Variants in PLAG1 observed in about 807,000 individuals in gnomAD.
The protein encoded by PLAG1 is zinc finger protein PLAG1.
In PLAG1, 7 loss-of-function variants were observed where a neutral mutation model predicts 35.5. The ratio of observed to expected loss-of-function variants is 0.20; its 90% CI spans 0.11 to 0.37. PLAG1 has a LOEUF of 0.37. Among genes scored for constraint, PLAG1 ranks in the 10% least tolerant of loss-of-function variants. PLAG1 has a pLI of 1.00. For synonymous variants in PLAG1, 229 were observed against 225.4 expected (o/e 1.02, Z -0.14); for missense variants, 454 against 602.8 (o/e 0.75, Z 2.58).
Position 56,166,045 on chromosome 8 carries a change from C to A in PLAG1, c.*198G>T. 2.8e-6 allele frequency: 1 copy of A among 354,010 alleles called. No individual in the cohort carries two copies. Among genetic ancestry groups the A allele is most frequent in the Non-Finnish European group, 5.1e-6 (1 of 195,148 alleles). The allele number at this position is 354,010 out of a possible 1,614,324, so 21.9% of individuals were successfully genotyped here. On this transcript the variant is annotated 3_prime_UTR_variant, in exon 5 of 5. Transcript: ENST00000316981. ...TGGCAGTGAATCAGGACAAAATACC[C>A]AGGTAAACTTAACTGAACACAAATG...
At chr8:56,197,239 A>T (rs943881784) in intron 1 of PLAG1, among the ~76,000 whole-genome samples, 2 of 151,918 alleles carry the variant, frequency 1.3e-5, no homozygotes, top group African/African-American at 4.8e-5. Flanking sequence ...TCCTGCCCTC[A>T]CATCCGGGGC....
chr8:56,193,012 A>G (rs1465293936), intron 1 of PLAG1, among the ~76,000 whole-genome samples: 2 of 152,258 alleles, frequency 1.3e-5, no homozygotes, highest in South Asian at 2.1e-4. Context: ...AACAGCAGGT[A>G]TGGACCTTAC....
chr8:56,182,304 A>G (rs1377001531), intron 1 of PLAG1, among the ~76,000 whole-genome samples: 1 of 152,236 alleles, frequency 6.6e-6, no homozygotes, highest in African/African-American at 2.4e-5. Flanking sequence ...AATAGTATTA[A>G]CAAAAAGAGA....
At chr8:56,198,066 C>T (rs1455686016) in intron 1 of PLAG1, among the ~76,000 whole-genome samples, 1 of 152,234 alleles carries the variant, frequency 6.6e-6, no homozygotes, top group Non-Finnish European at 1.5e-5. Flanking sequence ...GGATGGCCCG[C>T]ATCACACAGC....
Position 56,163,366 on chromosome 8 carries a change from G to GA in PLAG1, c.*2876dup, listed in dbSNP as rs1336148066. On this transcript the variant is annotated 3_prime_UTR_variant, in exon 5 of 5. Coordinates refer to ENST00000316981, the MANE Select transcript of PLAG1 (RefSeq NM_002655.3). ...TAGAAACAAACAATCTTTTTCTAGG[G>GA]AAAAAAAAGCCAATTCTGTGTTACA... 2.3e-4 allele frequency: 44 copies of GA among 194,058 alleles called. No homozygotes were observed. The highest frequency in any genetic ancestry group is 7.5e-4 in the African/African-American group (32 of 42,774). The allele number at this position is 194,058 out of a possible 1,614,324, so 12.0% of individuals were successfully genotyped here.
chr8:56,204,819 G>A (rs1268614897), intron 1 of PLAG1, among the ~76,000 whole-genome samples: 1 of 151,780 alleles, frequency 6.6e-6, no homozygotes, highest in Non-Finnish European at 1.5e-5. Flanking sequence ...CAAAAAAGAA[G>A]AGTTCAAGAC....
In PLAG1 at chr8:56,166,325, G is replaced by C; in HGVS notation, c.1421C>G (p.Ser474Cys). 3 of 1,613,708 alleles carry C rather than the reference G, an allele frequency of 1.9e-6. No individual in the cohort carries two copies. Among genetic ancestry groups the C allele is most frequent in the Non-Finnish European group, 2.5e-6 (3 of 1,179,714 alleles). ...GAAAGCTGCTGACAGTGAGTGCAGA[G>C]ACCCAAGCCCTATAGTGTTTGCAGG... ...QDPANTIGLG[S>C]LHSLSAAFTS... The change falls in exon 5 of 5, where the codon TCT becomes TGT. Residue 474 changes from serine to cysteine, a missense_variant. Around this residue, in one of 4 missense-constraint regions of PLAG1, gnomAD observed 271 missense variants for 315.6 expected, o/e 0.86. Coordinates refer to ENST00000316981, the MANE Select transcript of PLAG1 (RefSeq NM_002655.3).
chr8:56,183,925 A>T (rs566771804), intron 1 of PLAG1, among the ~76,000 whole-genome samples: 2 of 152,304 alleles, frequency 1.3e-5, no homozygotes, highest in East Asian at 3.9e-4. Flanking sequence ...TTAGTCAAAA[A>T]GTCCTTGGTC....
intron 1 of PLAG1, among the ~76,000 whole-genome samples, chr8:56,185,709 T>C (rs1811999318): frequency 6.6e-6 from 1 of 152,198 alleles, no homozygotes; most frequent in Non-Finnish European, 1.5e-5. Flanking sequence ...TGTTGCTTTA[T>C]GGGCTGGCAT....
chr8:56,175,375 C>G (rs896784152), intron 2 of PLAG1, among the ~76,000 whole-genome samples: 1 of 152,092 alleles, frequency 6.6e-6, no homozygotes, highest in Non-Finnish European at 1.5e-5. Flanking sequence ...GCTGCTGGTC[C>G]CTACAGAGGG....
Position 56,162,938 on chromosome 8 carries a change from G to A in PLAG1, c.*3305C>T, listed in dbSNP as rs1811247614. 1 of 215,412 alleles carries A rather than the reference G, an allele frequency of 4.6e-6. No homozygotes were observed. The highest frequency in any genetic ancestry group is 2.3e-5 in the African/African-American group (1 of 44,322). 13.3% of individuals were successfully genotyped at this position (215,412 alleles called of 1,614,324 possible). A position where few individuals can be genotyped will look rare whatever the true frequency, so the allele number is the denominator to read the frequency against. On this transcript the variant is annotated 3_prime_UTR_variant, in exon 5 of 5. Transcript: ENST00000316981. ...AAATGAAATAAAAAAGTTGCACACA[G>A]AGTGATGCATAATCAGCCAGGACAA...
In PLAG1 at chr8:56,167,817, A is replaced by T. The variant is rs1811405545; in HGVS notation, c.242+211T>A. 6.6e-6 allele frequency among the ~76,000 whole-genome samples: 1 copy of T among 152,238 alleles called. No individual in the cohort carries two copies. The highest frequency in any genetic ancestry group is 2.4e-5 in the African/African-American group (1 of 41,474). On this transcript the variant is annotated intron_variant, in intron 4 of 4. Coordinates refer to ENST00000316981, the MANE Select transcript of PLAG1 (RefSeq NM_002655.3). The surrounding 1 kb of genome is among the most constrained non-coding windows in gnomAD (Gnocchi z 5.9). ...CTTTCTACAAATGGAAATTCTACTC[A>T]TTAAGCATTTTATTTTAAAAAGTCC... is the stretch of plus-strand genomic sequence containing the variant.
In PLAG1 at chr8:56,167,935, G is replaced by GA; in HGVS notation, c.242+92dup. ...AACATTTCCTCTTTGCAAATTAGCT[G>GA]AAAAATGTGTATACAAATACATACG... On this transcript the variant is annotated intron_variant, in intron 4 of 4. Transcript: ENST00000316981. The surrounding 1 kb of genome is among the most constrained non-coding windows in gnomAD (Gnocchi z 5.9). 1 of 708,228 alleles carries GA rather than the reference G, an allele frequency of 1.4e-6. No homozygotes were observed. 43.9% of individuals were successfully genotyped at this position (708,228 alleles called of 1,614,324 possible). A position where few individuals can be genotyped will look rare whatever the true frequency, so the allele number is the denominator to read the frequency against.
chr8:56,190,332 C>G (rs1237327485), intron 1 of PLAG1, among the ~76,000 whole-genome samples: 3 of 152,112 alleles, frequency 2.0e-5, no homozygotes, highest in Non-Finnish European at 4.4e-5. Context: ...GGGAAGCCAG[C>G]AACAGGTCGA....
chr8:56,172,657 G>T (rs1450018234), intron 2 of PLAG1, among the ~76,000 whole-genome samples: 1 of 152,130 alleles, frequency 6.6e-6, no homozygotes, highest in Non-Finnish European at 1.5e-5. Flanking sequence ...AAGGTGAGAG[G>T]CCCACAGAAG....
chr8:56,205,277 C>T (rs541618559), intron 1 of PLAG1, among the ~76,000 whole-genome samples: 1 of 151,638 alleles, frequency 6.6e-6, no homozygotes, highest in Admixed American at 6.6e-5. Context: ...GGACACTTCA[C>T]GAAGACACAC....
At chr8:56,178,336 A>G (rs1811769061) in intron 2 of PLAG1, among the ~76,000 whole-genome samples, 1 of 152,156 alleles carries the variant, frequency 6.6e-6, no homozygotes, top group Admixed American at 6.5e-5. Context: ...CTAAAAAACA[A>G]CTTCATTGAA....
At chr8:56,179,209 T>C (rs937634544) in intron 2 of PLAG1, among the ~76,000 whole-genome samples, 200 bp downstream of exon 2, 1 of 152,098 alleles carries the variant, frequency 6.6e-6, no homozygotes, top group Admixed American at 6.5e-5. Context: ...TCCTTGCTAG[T>C]ATTTCAAGCC....
At chr8:56,171,414 C>T (rs1008769318) in intron 2 of PLAG1, 2 of 152,174 alleles carry the variant, frequency 1.3e-5, no homozygotes, top group Non-Finnish European at 1.5e-5. Context: ...AGATAAATAG[C>T]AATTTGTGAT....
Sources: allele counts gnomAD v4.1 joint callset (sites outside exome capture counted in the v4.1 genomes callset), GRCh38; gene constraint gnomAD v4.1.1; regional missense constraint gnomAD v4.1.1; non-coding constraint Gnocchi (gnomAD v3.1); transcripts MANE v1.5; gene names NCBI Gene and HGNC (gene_info 2026-07-23, HGNC 2026-07-21).